RAP1GDS1: variants seen among roughly 807,000 people sequenced by gnomAD.
The protein encoded by RAP1GDS1 is RAP1, GTP-GDP dissociation stimulator 1.
RAP1GDS1 carries 35 observed loss-of-function variants against 71.1 expected under a neutral mutation model. That is an observed-to-expected ratio of 0.49 (90% CI 0.38 to 0.65). The LOEUF (loss-of-function observed/expected upper bound fraction) is 0.65, where lower values mean the gene tolerates loss of function less well. Ranked by LOEUF, RAP1GDS1 falls within the 30% of genes least tolerant of loss-of-function variation. RAP1GDS1 has a pLI of 0.00. For missense variants in RAP1GDS1, 663 were observed against 706.1 expected, an observed-to-expected ratio of 0.94 and a Z score of 0.69; for synonymous variants, 229 against 243.1, an observed-to-expected ratio of 0.94 and a Z score of 0.54.
intron 14 of RAP1GDS1, 84 bp from the exon 15 acceptor site, chr4:98,441,906 G>A: frequency 6.9e-7 from 1 of 1,442,710 alleles, no homozygotes; most frequent in Non-Finnish European, 9.4e-7. Context: ...GCTTAGTCTT[G>A]TCAAAATAAA....
chr4:98,317,611 G>A (rs553444288), intron 2 of RAP1GDS1, among the ~76,000 whole-genome samples: 3 of 152,122 alleles, frequency 2.0e-5, no homozygotes, highest in Non-Finnish European at 2.9e-5. Flanking sequence ...AATATTGCAT[G>A]TGGGAAGAGT....
At chr4:98,337,032 T>C (rs1416838862) in intron 2 of RAP1GDS1, among the ~76,000 whole-genome samples, 2 of 152,084 alleles carry the variant, frequency 1.3e-5, no homozygotes, top group Non-Finnish European at 2.9e-5. Flanking sequence ...GTAGCTGGGA[T>C]TACAGGCATC....
chr4:98,422,813 G>A (rs1195314456), intron 12 of RAP1GDS1, among the ~76,000 whole-genome samples: 1 of 152,160 alleles, frequency 6.6e-6, no homozygotes, highest in Non-Finnish European at 1.5e-5. Flanking sequence ...AAAAGCAGCT[G>A]TTAACTAGGA....
At chr4:98,418,606 A>T in intron 9 of RAP1GDS1, 51 bp from the exon 10 acceptor site, 1 of 1,503,680 alleles carries the variant, frequency 6.7e-7, no homozygotes, top group Non-Finnish European at 9.0e-7. Flanking sequence ...ATTATAAAGT[A>T]TTTATAGATA....
intron 5 of RAP1GDS1, 103 bp from the exon 6 acceptor site, chr4:98,391,849 T>TTGAG (rs1189339975): frequency 4.2e-5 from 47 of 1,123,570 alleles, no homozygotes; most frequent in Non-Finnish European, 5.4e-5. Flanking sequence ...TTAAATAACT[T>TTGAG]TGAGTTTCCA....
chr4:98,308,527 A>G (rs772505729), intron 2 of RAP1GDS1, among the ~76,000 whole-genome samples: 1 of 149,494 alleles, frequency 6.7e-6, no homozygotes, highest in Admixed American at 6.9e-5. Context: ...TTAAACCACA[A>G]ATTTTTTGCC....
intron 4 of RAP1GDS1, among the ~76,000 whole-genome samples, chr4:98,374,509 G>A (rs1370334866): frequency 6.6e-6 from 1 of 152,134 alleles, no homozygotes; most frequent in Non-Finnish European, 1.5e-5. Context: ...TCTTTTGACA[G>A]TGAGTAATTT....
intron 6 of RAP1GDS1, among the ~76,000 whole-genome samples, chr4:98,400,973 A>G (rs1463631574): frequency 6.6e-6 from 1 of 152,222 alleles, no homozygotes; most frequent in East Asian, 1.9e-4. Context: ...AAATTTCTTA[A>G]ATACTTTATC....
rs61010394 is a variant in RAP1GDS1 at position 98,373,392 on chromosome 4, C to CCTCTCCCTCTCTCTCCCTCT, written c.362-5606_362-5605insTCTCTCCCTCTCTCTCCCTC. Among the ~76,000 whole-genome samples, 158 of 151,524 alleles carry CCTCTCCCTCTCTCTCCCTCT rather than the reference C, an allele frequency of 1.0e-3. 1 individual carries two copies. In the South Asian group the frequency reaches 0.016, roughly 16 times the overall value. On this transcript the variant is annotated intron_variant, in intron 4 of 14. Transcript: ENST00000408927. The stretch of plus-strand genomic sequence containing the variant: ...CTCTTTCCCTCTCTCTCCCTCCCTC[C>CCTCTCCCTCTCTCTCCCTCT]CTCTCCCTCTCTCTCCCTCCCTCCC...
intron 4 of RAP1GDS1, among the ~76,000 whole-genome samples, chr4:98,353,582 G>A (rs912672968): frequency 6.6e-6 from 1 of 152,228 alleles, no homozygotes; most frequent in Non-Finnish European, 1.5e-5. Flanking sequence ...AGCAGTAGTC[G>A]TAAAGCTAGC....
intron 2 of RAP1GDS1, among the ~76,000 whole-genome samples, chr4:98,326,097 C>G (rs1469620767): frequency 6.6e-6 from 1 of 152,064 alleles, no homozygotes; most frequent in Admixed American, 6.6e-5. Flanking sequence ...CTCCGACAGT[C>G]TTGCATATTA....
At chr4:98,329,901 A>G (rs184109548) in intron 2 of RAP1GDS1, among the ~76,000 whole-genome samples, 15 of 151,476 alleles carry the variant, frequency 9.9e-5, no homozygotes, top group South Asian at 2.1e-4. Context: ...AGATACATAT[A>G]TATTTCCTTA....
chr4:98,359,376 T>G (rs1189852542), intron 4 of RAP1GDS1, among the ~76,000 whole-genome samples: 1 of 152,014 alleles, frequency 6.6e-6, no homozygotes, highest in African/African-American at 2.4e-5. Flanking sequence ...CCATAGAGAA[T>G]AAAAGACAGA....
chr4:98,390,230 T>C (rs1048494629), intron 5 of RAP1GDS1, among the ~76,000 whole-genome samples: 1 of 152,172 alleles, frequency 6.6e-6, no homozygotes, highest in Non-Finnish European at 1.5e-5. Flanking sequence ...GCAACTATTC[T>C]GCCAATATAA....
chr4:98,356,389 A>G (rs1023686947), intron 4 of RAP1GDS1, among the ~76,000 whole-genome samples: 8 of 152,090 alleles, frequency 5.3e-5, no homozygotes, highest in Non-Finnish European at 1.2e-4. Flanking sequence ...ATGGCCTTAT[A>G]GTTTTAAAAA....
At chr4:98,368,799 T>G (rs2110461534) in intron 4 of RAP1GDS1, among the ~76,000 whole-genome samples, 1 of 152,338 alleles carries the variant, frequency 6.6e-6, no homozygotes, top group Middle Eastern at 3.4e-3. Context: ...AAGCCCTATA[T>G]TTACCTATAT....
At chr4:98,397,537 C>T (rs9997337) in intron 6 of RAP1GDS1, among the ~76,000 whole-genome samples, 8,633 of 152,046 alleles carry the variant, frequency 0.057, 620 homozygotes, top group African/African-American at 0.17. Context: ...AAAAGAAAAG[C>T]AGGAGAGAGG....
intron 3 of RAP1GDS1, 60 bp downstream of exon 3, chr4:98,343,321 T>C: frequency 6.6e-7 from 1 of 1,506,026 alleles, no homozygotes; most frequent in Non-Finnish European, 9.2e-7. Context: ...ATCTTACTTG[T>C]CAGTATGCTT....
chr4:98,318,133 G>A (rs1016677512), intron 2 of RAP1GDS1, among the ~76,000 whole-genome samples: 6 of 151,986 alleles, frequency 3.9e-5, no homozygotes, highest in Non-Finnish European at 8.8e-5. Flanking sequence ...GTGAGCCACC[G>A]CGTCCAGTGA....
Sources: gnomAD v4.1 joint callset for allele counts (sites outside exome capture counted in the v4.1 genomes callset) on GRCh38, gnomAD v4.1.1 for gene constraint, MANE v1.5 for transcripts, NCBI Gene and HGNC (gene_info 2026-07-23, HGNC 2026-07-21) for gene names.